TESPA1: variants seen among roughly 807,000 people sequenced by gnomAD.
TESPA1 encodes protein TESPA1.
A neutral mutation model predicts 57.9 loss-of-function variants in TESPA1; 33 were observed. The observed-to-expected ratio is 0.57, with a 90% CI of 0.43 to 0.76. The LOEUF is 0.76. Among genes scored for constraint, TESPA1 ranks in the 30% least tolerant of loss-of-function variants. The pLI is 0.00. For missense variants in TESPA1, 618 were observed against 632.9 expected (o/e 0.98, Z 0.25); for synonymous variants, 227 against 228.9 (o/e 0.99, Z 0.07).
chr12:54,960,872 T>C (rs1951030626), intron 10 of TESPA1, among the ~76,000 whole-genome samples: 2 of 152,182 alleles, frequency 1.3e-5, no homozygotes, highest in Non-Finnish European at 2.9e-5. Context: ...TCTTTGGTTC[T>C]ATCCAGGCCA....
chr12:54,968,610 T>C (rs1195595516), intron 3 of TESPA1, among the ~76,000 whole-genome samples: 1 of 152,206 alleles, frequency 6.6e-6, no homozygotes, highest in Admixed American at 6.5e-5. Flanking sequence ...TAGTCCTGGC[T>C]CATTGTGGCT....
chr12:54,953,767 G>A (rs908074115), intron 10 of TESPA1, among the ~76,000 whole-genome samples: 25 of 152,094 alleles, frequency 1.6e-4, no homozygotes, highest in African/African-American at 3.9e-4. Context: ...TGATCTGCCC[G>A]CCTCGGCCTC....
chr12:54,976,598 C>T (rs1008225735), intron 1 of TESPA1, among the ~76,000 whole-genome samples: 6 of 152,168 alleles, frequency 3.9e-5, no homozygotes, highest in African/African-American at 1.2e-4. Context: ...ATACTTTATT[C>T]TGCCACTTCA....
intron 9 of TESPA1, 47 bp downstream of exon 9, chr12:54,962,384 C>A: frequency 6.3e-7 from 1 of 1,579,388 alleles, no homozygotes; most frequent in South Asian, 1.1e-5. Flanking sequence ...GGGAAAGAAT[C>A]TACAGCCTTT....
At chr12:54,972,325 C>G (rs1951880772) in intron 3 of TESPA1, among the ~76,000 whole-genome samples, 1 of 152,144 alleles carries the variant, frequency 6.6e-6, no homozygotes, top group Non-Finnish European at 1.5e-5. Context: ...CTTGGCACCC[C>G]TCTAGGTTAT....
chr12:54,966,138 T>C lies in TESPA1; in HGVS notation c.361A>G (p.Thr121Ala). ...TCAAGTAGCTGGCAAGGCCTGGCTG[T>C]CTCGAGGAAACTCCTGCAGAGATCA... is the stretch of plus-strand genomic sequence containing the variant. ...GKLFSRSFLE[T>A]ARPCQLLDLG... Residue 121 changes from threonine (T) to alanine (A), a missense_variant, in exon 7 of 11, where the codon ACA (threonine) becomes GCA (alanine). Physicochemically the swap from Thr to Ala is moderately conservative, Grantham distance 58. This residue lies in a region of TESPA1 where 199 missense variants were observed against 184.0 expected (regional missense o/e 1.08). Coordinates refer to ENST00000449076, the MANE Select transcript of TESPA1 (RefSeq NM_001136030.3). The C allele has an allele frequency of 1.3e-6, 2 of 1,569,930 alleles. No individual in the cohort carries two copies. The highest frequency in any genetic ancestry group is 1.7e-6 in the Non-Finnish European group (2 of 1,156,606).
chr12:54,957,691 T>C (rs1950818109), intron 10 of TESPA1, among the ~76,000 whole-genome samples: 1 of 152,204 alleles, frequency 6.6e-6, no homozygotes, highest in Admixed American at 6.5e-5. Context: ...AAAGAAGAGA[T>C]CTCTTATTCT....
At chr12:54,957,531 C>T (rs988583740) in intron 10 of TESPA1, among the ~76,000 whole-genome samples, 5 of 152,078 alleles carry the variant, frequency 3.3e-5, no homozygotes, top group African/African-American at 9.7e-5. Flanking sequence ...TAGCTCTCTC[C>T]GCTTCTTGAG....
At chr12:54,950,552 G>A (rs1022598447) in intron 10 of TESPA1, among the ~76,000 whole-genome samples, 162 bp from the exon 11 acceptor site, 1 of 152,074 alleles carries the variant, frequency 6.6e-6, no homozygotes, top group African/African-American at 2.4e-5. Flanking sequence ...TGTGACTTGG[G>A]GTTTCTGCTC....
At chr12:54,977,936 G>A (rs1952190980) in intron 1 of TESPA1, among the ~76,000 whole-genome samples, 1 of 152,154 alleles carries the variant, frequency 6.6e-6, no homozygotes, top group Non-Finnish European at 1.5e-5. Context: ...GCAATATCAA[G>A]AGGCAAGAAG....
intron 1 of TESPA1, among the ~76,000 whole-genome samples, chr12:54,975,435 A>T (rs1003149392): frequency 3.9e-5 from 6 of 152,170 alleles, no homozygotes; most frequent in African/African-American, 1.4e-4. Flanking sequence ...ATGGCACTAG[A>T]TACACATTCA....
At chr12:54,952,562 C>T (rs1428076361) in intron 10 of TESPA1, among the ~76,000 whole-genome samples, 1 of 152,210 alleles carries the variant, frequency 6.6e-6, no homozygotes, top group Non-Finnish European at 1.5e-5. Context: ...CAAATAATTT[C>T]CATCCAGTGG....
At chr12:54,969,021 G>GTGTGTGTGTATATATATATATATATA (rs370590552) in intron 3 of TESPA1, among the ~76,000 whole-genome samples, 59 of 83,604 alleles carry the variant, frequency 7.1e-4, no homozygotes, top group African/African-American at 1.0e-3. Context: ...ATTTATATAT[G>GTGTGTGTGTATATATATATATATATA]TATATATATA....
chr12:54,976,601 C>T (rs1952147688), intron 1 of TESPA1, among the ~76,000 whole-genome samples: 1 of 152,078 alleles, frequency 6.6e-6, no homozygotes, highest in Admixed American at 6.5e-5. Flanking sequence ...CTTTATTCTG[C>T]CACTTCAAAT....
chr12:54,949,712 G>A lies in TESPA1; in HGVS notation c.*680C>T, dbSNP rs1950268345. The A allele has an allele frequency of 6.6e-6, 1 of 152,544 alleles. No homozygotes were observed. Among genetic ancestry groups the A allele is most frequent in the Non-Finnish European group, 1.5e-5 (1 of 68,040 alleles). The allele number at this position is 152,544 out of a possible 1,614,324, so 9.4% of individuals were successfully genotyped here. A position where few individuals can be genotyped will look rare whatever the true frequency, so the allele number is the denominator to read the frequency against. ...CACAATGGCTAGGAGAAGAGACTCT[G>A]AATCCTACTTATCTCTTTTTCTATA... is the stretch of plus-strand genomic sequence containing the variant. On this transcript the variant is annotated 3_prime_UTR_variant, in exon 11 of 11. Transcript: ENST00000449076.
At chr12:54,956,983 C>G (rs938484493) in intron 10 of TESPA1, among the ~76,000 whole-genome samples, 1 of 152,198 alleles carries the variant, frequency 6.6e-6, no homozygotes, top group Non-Finnish European at 1.5e-5. Context: ...CTAGTCACCT[C>G]TCAAAGGTTT....
intron 1 of TESPA1, among the ~76,000 whole-genome samples, chr12:54,978,183 T>G (rs2136206560): frequency 6.6e-6 from 1 of 152,276 alleles, no homozygotes; most frequent in Non-Finnish European, 1.5e-5. Flanking sequence ...GATATGGAGA[T>G]GTTTCCTCCA....
intron 4 of TESPA1, among the ~76,000 whole-genome samples, 189 bp from the exon 5 acceptor site, chr12:54,967,425 T>C (rs1454659067): frequency 6.6e-6 from 1 of 151,172 alleles, no homozygotes; most frequent in Non-Finnish European, 1.5e-5. Context: ...AGAAGTCATA[T>C]TCATTTTTGA....
intron 3 of TESPA1, chr12:54,968,123 T>G: frequency 9.7e-7 from 1 of 1,033,526 alleles, no homozygotes; most frequent in Non-Finnish European, 1.4e-6. Flanking sequence ...TGTGCTTCTG[T>G]TGTCCTGGCC....
Sources: gnomAD v4.1 joint callset for allele counts (sites outside exome capture counted in the v4.1 genomes callset) on GRCh38, gnomAD v4.1.1 for gene constraint, gnomAD v4.1.1 regional missense constraint, MANE v1.5 for transcripts, NCBI Gene and HGNC (gene_info 2026-07-23, HGNC 2026-07-21) for gene names.